Variants in TEX2 observed in about 807,000 individuals in gnomAD.
The protein encoded by TEX2 is testis expressed 2, also known as testis-expressed protein 2.
A neutral mutation model predicts 106.9 loss-of-function variants in TEX2; 53 were observed. The ratio of observed to expected loss-of-function variants is 0.50; its 90% confidence interval spans 0.40 to 0.62. TEX2 has a LOEUF of 0.62. Ranked by LOEUF, TEX2 falls within the 20% of genes least tolerant of loss-of-function variation. The pLI, the probability that TEX2 is intolerant of heterozygous loss-of-function variation, is 0.00. For synonymous variants in TEX2, 523 were observed against 534.8 expected, an observed-to-expected ratio of 0.98 and a Z score of 0.30; for missense variants, 1,207 against 1,379.0, an observed-to-expected ratio of 0.88 and a Z score of 1.98.
At chr17:64,165,603 T>G (rs1312669655) in intron 7 of TEX2, among the ~76,000 whole-genome samples, 1 of 152,188 alleles carries the variant, frequency 6.6e-6, no homozygotes, top group African/African-American at 2.4e-5. Flanking sequence ...GAAGCACGTG[T>G]GGCAGGAGGA....
At chr17:64,176,330 T>C (rs959328148) in intron 6 of TEX2, among the ~76,000 whole-genome samples, 1 of 152,174 alleles carries the variant, frequency 6.6e-6, no homozygotes, top group Non-Finnish European at 1.5e-5. Context: ...ATATTTTCCT[T>C]CTAATCTAGT....
At chr17:64,163,331 G>A (rs751371396) in intron 7 of TEX2, among the ~76,000 whole-genome samples, 1 of 152,024 alleles carries the variant, frequency 6.6e-6, no homozygotes, top group Non-Finnish European at 1.5e-5. Context: ...ATGGGGTTTT[G>A]CCATATTGCC....
chr17:64,193,889 T>G lies in TEX2; in HGVS notation c.1846A>C (p.Ile616Leu), dbSNP rs976103632. The G allele has an allele frequency of 6.6e-7, 1 of 1,520,318 alleles. No homozygotes were observed. The highest frequency in any genetic ancestry group is 8.8e-7 in the Non-Finnish European group (1 of 1,130,542). 94.2% of individuals were successfully genotyped at this position (1,520,318 alleles called of 1,614,324 possible). A position where few individuals can be genotyped will look rare whatever the true frequency, so the allele number is the denominator to read the frequency against. The change falls in exon 4 of 12, where the codon ATT (isoleucine) becomes CTT (leucine). Residue 616 changes from isoleucine to leucine, a missense_variant and splice_region_variant. Physicochemically the swap from Ile to Leu is conservative, Grantham distance 5. This residue lies in a region of TEX2 where 1,067 missense variants were observed against 1,193.6 expected (regional missense o/e 0.89). Transcript: ENST00000584379. ...QKIYDLSDSK[I>L]YLVPKTLARK... ...GCCAAAGTTTTAGGTACAAGATAAA[T>G]CTACAGAGAAAGAAAAATGATGATT...
intron 4 of TEX2, among the ~76,000 whole-genome samples, chr17:64,193,163 C>T (rs1387741775): frequency 6.6e-6 from 1 of 152,202 alleles, no homozygotes; most frequent in Non-Finnish European, 1.5e-5. Context: ...ATTCTGCATT[C>T]TATGGCAAGC....
chr17:64,224,547 ACT>A (rs879978621), intron 1 of TEX2, among the ~76,000 whole-genome samples: 6 of 151,984 alleles, frequency 3.9e-5, no homozygotes, highest in Admixed American at 6.6e-5. Flanking sequence ...AAAAGACAAG[ACT>A]CTATCTTCAT....
chr17:64,195,210 GAT>G lies in TEX2; in HGVS notation c.1645-117_1645-116del, dbSNP rs1270591048. On this transcript the variant is annotated intron_variant, in intron 2 of 11. Coordinates refer to ENST00000584379, the MANE Select transcript of TEX2 (RefSeq NM_001288732.2). The surrounding 1 kb of genome is among the most constrained non-coding windows in gnomAD (Gnocchi z 4.1). ...TGAAACCAAACTTGATCACGACACA[GAT>G]ATCAGCTCACCAATGACTACAGGTT... The G allele has an allele frequency of 1.1e-6, 1 of 903,690 alleles. No homozygotes were observed. Among genetic ancestry groups the G allele is most frequent in the Non-Finnish European group, 1.7e-6 (1 of 575,144 alleles). 56.0% of individuals were successfully genotyped at this position (903,690 alleles called of 1,614,324 possible). A position where few individuals can be genotyped will look rare whatever the true frequency, so the allele number is the denominator to read the frequency against.
Position 64,148,880 on chromosome 17 carries a change from CAG to C in TEX2, c.*87_*88del. The C allele has an allele frequency of 6.6e-7, 1 of 1,518,480 alleles. No homozygotes were observed. The highest frequency in any genetic ancestry group is 9.0e-7 in the Non-Finnish European group (1 of 1,115,436). 94.1% of individuals were successfully genotyped at this position (1,518,480 alleles called of 1,614,324 possible). On this transcript the variant is annotated 3_prime_UTR_variant, in exon 12 of 12. Coordinates refer to ENST00000584379, the MANE Select transcript of TEX2 (RefSeq NM_001288732.2). The stretch of plus-strand genomic sequence containing the variant: ...CCTTTAAGAAACAGTAGCTGTGGCA[CAG>C]AGGCCAGTGCTACAGTACAGATGGC...
At chr17:64,204,238 T>C (rs1274612027) in intron 2 of TEX2, among the ~76,000 whole-genome samples, 11 of 152,248 alleles carry the variant, frequency 7.2e-5, no homozygotes, top group South Asian at 6.2e-4. Context: ...TCCCAATATA[T>C]ACAGCTTTTA....
At chr17:64,193,463 G>T in intron 4 of TEX2, 96 bp downstream of exon 4, 2 of 993,982 alleles carry the variant, frequency 2.0e-6, no homozygotes, top group Non-Finnish European at 1.4e-6. Flanking sequence ...TTCAGGGTGG[G>T]CTTCCTTCCT....
chr17:64,214,092 G>GC lies in TEX2; in HGVS notation c.125dup (p.Glu43ArgfsTer15). On this transcript the variant is annotated frameshift_variant, in exon 2 of 12. Coordinates refer to ENST00000584379, the MANE Select transcript of TEX2 (RefSeq NM_001288732.2). LOFTEE classifies it high-confidence loss of function. ...CCTCCTCCTCTTCCTCCTCCTCCTCGCCGGATGCCGAGAAGTGAATGGCGA... is the reference window on the plus strand; with the variant it reads ...CCTCCTCCTCTTCCTCCTCCTCCTCGCCCGGATGCCGAGAAGTGAATGGCGA... 6.2e-7 allele frequency: 1 copy of GC among 1,614,056 alleles called. No individual in the cohort carries two copies. Among genetic ancestry groups the GC allele is most frequent in the Non-Finnish European group, 8.5e-7 (1 of 1,180,006 alleles).
At chr17:64,177,195 T>A in intron 6 of TEX2, 130 bp downstream of exon 6, 1 of 1,038,944 alleles carries the variant, frequency 9.6e-7, no homozygotes. Flanking sequence ...GATGTGCTGT[T>A]TGAGAACTTA....
chr17:64,160,563 G>A (rs534412865), intron 8 of TEX2, among the ~76,000 whole-genome samples: 2 of 152,216 alleles, frequency 1.3e-5, no homozygotes, highest in East Asian at 1.9e-4. Flanking sequence ...AATTCCATGT[G>A]TACCACCACC....
chr17:64,259,668 T>C (rs2034253976), intron 1 of TEX2, among the ~76,000 whole-genome samples: 1 of 152,238 alleles, frequency 6.6e-6, no homozygotes, highest in South Asian at 2.1e-4. Flanking sequence ...TCTTACGAGA[T>C]GCTTCCCAGC....
At chr17:64,241,781 T>A (rs1411065602) in intron 1 of TEX2, among the ~76,000 whole-genome samples, 2 of 152,138 alleles carry the variant, frequency 1.3e-5, no homozygotes, top group East Asian at 3.9e-4. Context: ...TACAGGCACA[T>A]GCCAGTACAC....
At position 64,195,058 on chromosome 17, in the gene TEX2, G is replaced by A; in HGVS notation, c.1682C>T (p.Thr561Ile). 6.2e-7 allele frequency: 1 copy of A among 1,614,112 alleles called. No homozygotes were observed. ...MNEIYNYDPE[T>I]YHATLTHSVF... ...TGAATGTGTCAAAGTCGCATGGTAG[G>A]TTTCTGGATCATAGTTGTAAATCTC... The change falls in exon 3 of 12, where the codon ACC becomes ATC. Residue 561 changes from threonine to isoleucine, a missense_variant. Physicochemically the swap from Thr to Ile is moderately conservative, Grantham distance 89. Coordinates refer to ENST00000584379, the MANE Select transcript of TEX2 (RefSeq NM_001288732.2). The surrounding 1 kb of genome is among the most constrained non-coding windows in gnomAD (Gnocchi z 4.1).
At chr17:64,188,815 C>CA (rs200457668) in intron 4 of TEX2, among the ~76,000 whole-genome samples, 972 of 97,054 alleles carry the variant, frequency 0.01, 7 homozygotes, top group South Asian at 0.022. Context: ...GACTCCATCT[C>CA]AAAAAAAAAA....
chr17:64,224,492 T>G (rs1484858596), intron 1 of TEX2, among the ~76,000 whole-genome samples: 1 of 152,198 alleles, frequency 6.6e-6, no homozygotes, highest in East Asian at 1.9e-4. Context: ...TATGACATTG[T>G]AGATAATGAA....
chr17:64,195,127 A>G lies in TEX2; in HGVS notation c.1645-32T>C, dbSNP rs764712871. 3.1e-6 allele frequency: 5 copies of G among 1,596,152 alleles called. No individual in the cohort carries two copies. The South Asian group carries it at 3.3e-5, about 11-fold the overall frequency. ...AAGAAAAACTTCCATTAGTAATATC[A>G]GAATAATCGCAAATCTGATTTAGTG... On this transcript the variant is annotated intron_variant, in intron 2 of 11. Coordinates refer to ENST00000584379, the MANE Select transcript of TEX2 (RefSeq NM_001288732.2). The surrounding 1 kb of genome is among the most constrained non-coding windows in gnomAD (Gnocchi z 4.1).
chr17:64,162,053 T>C (rs897416406), intron 7 of TEX2, among the ~76,000 whole-genome samples: 3 of 152,208 alleles, frequency 2.0e-5, no homozygotes, highest in Non-Finnish European at 4.4e-5. Context: ...ATGATTTCCA[T>C]TTTGTTTTCA....
Sources: gnomAD v4.1 joint callset for allele counts (sites outside exome capture counted in the v4.1 genomes callset) on GRCh38, gnomAD v4.1.1 for gene constraint, gnomAD v4.1.1 regional missense constraint, Gnocchi (gnomAD v3.1) non-coding constraint, MANE v1.5 for transcripts, NCBI Gene and HGNC (gene_info 2026-07-23, HGNC 2026-07-21) for gene names.